Variants in FBXL4 observed in about 807,000 individuals in gnomAD.
FBXL4 encodes F-box and leucine rich repeat protein 4, also known as F-box/LRR-repeat protein 4.
FBXL4 carries 40 observed loss-of-function variants against 58.9 expected under a neutral mutation model. The observed-to-expected ratio is 0.68, with a 90% CI of 0.53 to 0.88. The LOEUF is 0.88. FBXL4 is among the 40% of genes least tolerant of loss of function. FBXL4 has a pLI of 0.00. For missense variants in FBXL4, 676 were observed against 734.4 expected, an observed-to-expected ratio of 0.92 and a Z score of 0.92; for synonymous variants, 263 against 265.5, an observed-to-expected ratio of 0.99 and a Z score of 0.09.
At chr6:98,878,713 A>C (rs9375729) in intron 8 of FBXL4, among the ~76,000 whole-genome samples, 14,149 of 152,016 alleles carry the variant, frequency 0.093, 1,224 homozygotes, top group East Asian at 0.47. Flanking sequence ...CTCCAGTTTA[A>C]GGGGAGGTAA....
At position 98,905,397 on chromosome 6, in the gene FBXL4, A is replaced by AGGG. The variant is rs1562230546; in HGVS notation, c.1103+28_1103+29insCCC. The AGGG allele has an allele frequency of 4.4e-6, 7 of 1,604,064 alleles. No homozygotes were observed. In the African/African-American group the frequency reaches 9.4e-5, roughly 22 times the overall value. ...AAGTATAACCTGCTGCTGGGGGGGA[A>AGGG]AAAAACTTCATCAAGGCTTTGTACT... On this transcript the variant is annotated intron_variant, in intron 6 of 9. Transcript: ENST00000369244.
rs368886622 is a variant in FBXL4 at position 98,905,540 on chromosome 6, G to C, written c.989C>G (p.Ala330Gly). 22 of 1,613,862 alleles carry C rather than the reference G, an allele frequency of 1.4e-5. No individual in the cohort carries two copies. The highest frequency in any genetic ancestry group is 1.7e-5 in the Non-Finnish European group (20 of 1,179,954). The change falls in exon 6 of 10, where the codon GCA (alanine) becomes GGA (glycine). Residue 330 changes from alanine (A) to glycine (G), a missense_variant. Ala to Gly is a moderately conservative substitution (Grantham distance 60). Coordinates refer to ENST00000369244, the MANE Select transcript of FBXL4 (RefSeq NM_001278716.2). ...TTCCAGAGAAGTGTCATCTAGTTTT[G>C]CCCAGTATGGTTGCAGATTGAGGTG... Reference protein sequence around the residue: ...YIHLNLQPYWAKLDDTSLEFL... With the variant: ...YIHLNLQPYWGKLDDTSLEFL...
chr6:98,889,758 G>A (rs1027018340), intron 7 of FBXL4, among the ~76,000 whole-genome samples: 11 of 151,666 alleles, frequency 7.3e-5, no homozygotes, highest in Non-Finnish European at 1.6e-4. Flanking sequence ...AGATGTGGAA[G>A]TTTGGTGTAT....
chr6:98,899,251 TTATGAATTAC>T lies in FBXL4; in HGVS notation c.1317+7_1317+16del. 1 of 1,609,756 alleles carries T rather than the reference TTATGAATTAC, an allele frequency of 6.2e-7. No homozygotes were observed. Among genetic ancestry groups the T allele is most frequent in the Non-Finnish European group, 8.5e-7 (1 of 1,176,934 alleles). On this transcript the variant is annotated splice_region_variant and intron_variant, in intron 7 of 9. Coordinates refer to ENST00000369244, the MANE Select transcript of FBXL4 (RefSeq NM_001278716.2). ...GCTACCATAATAGCAATGATGAAAA[TTATGAATTAC>T]TCTCACCTCTACTTTTGTTCGATAG...
intron 1 of FBXL4, among the ~76,000 whole-genome samples, chr6:98,947,070 C>G (rs1175662960): frequency 6.6e-6 from 1 of 152,230 alleles, no homozygotes. Context: ...GAGCACAAAG[C>G]CAGACGGGCA....
At chr6:98,906,571 C>A (rs1481426493) in intron 5 of FBXL4, among the ~76,000 whole-genome samples, 1 of 152,140 alleles carries the variant, frequency 6.6e-6, no homozygotes, top group Non-Finnish European at 1.5e-5. Flanking sequence ...CAGTCTATCA[C>A]TGATGGATAT....
In FBXL4 at chr6:98,931,894, T is replaced by C. The variant is rs553957790; in HGVS notation, c.-191+2868A>G. ...ACGACCAATGCAGAAGTCCAAATTG[T>C]CCAGGCGCTGTCTGGACTTTTGCCA... On this transcript the variant is annotated intron_variant, in intron 2 of 9. Coordinates refer to ENST00000369244, the MANE Select transcript of FBXL4 (RefSeq NM_001278716.2). Among the ~76,000 whole-genome samples the C allele has an allele frequency of 3.9e-5, 6 of 152,364 alleles. No homozygotes were observed. In the South Asian group the frequency reaches 1.2e-3, roughly 32 times the overall value.
chr6:98,916,171 G>T (rs1410569796), intron 5 of FBXL4, among the ~76,000 whole-genome samples: 1 of 150,664 alleles, frequency 6.6e-6, no homozygotes. Flanking sequence ...GAAACAACAG[G>T]TGCTGGAGAG....
intron 6 of FBXL4, among the ~76,000 whole-genome samples, chr6:98,904,070 G>T (rs779819386): frequency 2.0e-5 from 3 of 152,146 alleles, no homozygotes; most frequent in Non-Finnish European, 2.9e-5. Flanking sequence ...TCTACATAAT[G>T]TAAAATAATG....
intron 1 of FBXL4, among the ~76,000 whole-genome samples, chr6:98,938,691 T>C (rs1773315360): frequency 6.6e-6 from 1 of 152,214 alleles, no homozygotes; most frequent in African/African-American, 2.4e-5. Flanking sequence ...AGTCTATCCC[T>C]TCCTGCCTTA....
chr6:98,905,856 A>T (rs917583422), intron 5 of FBXL4, among the ~76,000 whole-genome samples, 186 bp from the exon 6 acceptor site: 1 of 152,202 alleles, frequency 6.6e-6, no homozygotes, highest in African/African-American at 2.4e-5. Context: ...ACTGTAGTGC[A>T]TTTCAAGATT....
Position 98,869,834 on chromosome 6 carries a change from A to T in FBXL4, c.*4444T>A, listed in dbSNP as rs1770447928. 1 of 152,204 alleles carries T rather than the reference A, an allele frequency of 6.6e-6. No homozygotes were observed. Among genetic ancestry groups the T allele is most frequent in the Non-Finnish European group, 1.5e-5 (1 of 68,040 alleles). The allele number at this position is 152,204 out of a possible 1,614,324, so 9.4% of individuals were successfully genotyped here. Reference sequence around the variant, plus strand: ...GCTACATATTGGCTCAAAAGTAAGCACCTGAATATTAATTGTCTACATTTT... The same window carrying T: ...GCTACATATTGGCTCAAAAGTAAGCTCCTGAATATTAATTGTCTACATTTT... On this transcript the variant is annotated 3_prime_UTR_variant, in exon 10 of 10. Transcript: ENST00000369244.
At chr6:98,923,682 A>C (rs1053787810) in intron 4 of FBXL4, among the ~76,000 whole-genome samples, 3 of 152,162 alleles carry the variant, frequency 2.0e-5, no homozygotes, top group African/African-American at 7.2e-5. Flanking sequence ...CTGGCCTGTA[A>C]GCTCAAAAAA....
At chr6:98,888,349 C>T (rs1200841741) in intron 7 of FBXL4, among the ~76,000 whole-genome samples, 1 of 152,222 alleles carries the variant, frequency 6.6e-6, no homozygotes, top group Non-Finnish European at 1.5e-5. Flanking sequence ...AAAGTATTTA[C>T]TACCTAGCCC....
chr6:98,904,613 C>T (rs1771728795), intron 6 of FBXL4, among the ~76,000 whole-genome samples: 1 of 152,050 alleles, frequency 6.6e-6, no homozygotes, highest in Non-Finnish European at 1.5e-5. Flanking sequence ...CTACAGTTCA[C>T]TTTTCATTTT....
intron 5 of FBXL4, among the ~76,000 whole-genome samples, chr6:98,911,271 C>G (rs969206819): frequency 9.9e-5 from 15 of 152,192 alleles, no homozygotes; most frequent in Non-Finnish European, 2.1e-4. Flanking sequence ...AACAAAAAGA[C>G]AGCAGTAACC....
intron 2 of FBXL4, among the ~76,000 whole-genome samples, chr6:98,928,943 T>A (rs1772896850): frequency 6.6e-6 from 1 of 152,168 alleles, no homozygotes; most frequent in African/African-American, 2.4e-5. Flanking sequence ...TTCTGATACC[T>A]ACTGGCACTG....
chr6:98,926,582 T>C lies in FBXL4; in HGVS notation c.407A>G (p.Tyr136Cys), dbSNP rs1389140910. 1.2e-6 allele frequency: 2 copies of C among 1,614,082 alleles called. No homozygotes were observed. Among genetic ancestry groups the C allele is most frequent in the African/African-American group, 1.3e-5 (1 of 74,944 alleles). Residue 136 changes from tyrosine to cysteine, a missense_variant, in exon 4 of 10, where the codon TAT becomes TGT. By Grantham distance (194) the Tyr-to-Cys change is radical. Coordinates refer to ENST00000369244, the MANE Select transcript of FBXL4 (RefSeq NM_001278716.2). ...TTCTAGAACATGTACAGCTGTAGGA[T>C]ACACCTGTTGTTCAAAAGTAAGTTC... ...YVELTFEQQV[Y>C]PTAVHVLETY... is the part of the protein sequence containing the mutation.
chr6:98,889,075 G>T (rs1238386975), intron 7 of FBXL4, among the ~76,000 whole-genome samples: 2 of 152,124 alleles, frequency 1.3e-5, no homozygotes, highest in Non-Finnish European at 2.9e-5. Flanking sequence ...AATGCCAAAG[G>T]TAAAGAAGTA....
Sources: allele counts gnomAD v4.1 joint callset (sites outside exome capture counted in the v4.1 genomes callset), GRCh38; gene constraint gnomAD v4.1.1; transcripts MANE v1.5; gene names NCBI Gene and HGNC (gene_info 2026-07-23, HGNC 2026-07-21).